Variants in ZFHX3 observed in about 807,000 individuals in gnomAD.
ZFHX3 encodes zinc finger homeobox protein 3.
In ZFHX3, 42 loss-of-function variants were observed where a neutral mutation model predicts 279.1. The observed-to-expected ratio is 0.15, with a 90% CI of 0.12 to 0.19. The LOEUF is 0.19. Ranked by LOEUF, ZFHX3 falls within the 10% of genes least tolerant of loss-of-function variation. The pLI, the probability that ZFHX3 is intolerant of heterozygous loss-of-function variation, is 1.00. For synonymous variants in ZFHX3, 2,293 were observed against 1,957.8 expected (o/e 1.17, Z -4.52); for missense variants, 4,981 against 4,754.0 (o/e 1.05, Z -1.40).
intron 8 of ZFHX3, among the ~76,000 whole-genome samples, chr16:73,074,168 T>C (rs186321412): frequency 7.9e-5 from 12 of 152,306 alleles, no homozygotes; most frequent in Admixed American, 7.8e-4. Flanking sequence ...ATCTTTCAAC[T>C]TTGGAGGTAT....
chr16:73,408,054 A>G (rs1358923634), intron 3 of ZFHX3, among the ~76,000 whole-genome samples: 1 of 123,162 alleles, frequency 8.1e-6, no homozygotes, highest in Non-Finnish European at 1.7e-5. Context: ...GAGCTGCAGG[A>G]GTGGATGGGG....
At chr16:73,153,024 T>C (rs1384393866) in intron 5 of ZFHX3, among the ~76,000 whole-genome samples, 2 of 152,088 alleles carry the variant, frequency 1.3e-5, no homozygotes, top group Non-Finnish European at 2.9e-5. Context: ...TCAGGCTTTG[T>C]TAGGAGGAGG....
chr16:73,219,349 C>T (rs939408595), intron 5 of ZFHX3, among the ~76,000 whole-genome samples: 11 of 152,164 alleles, frequency 7.2e-5, no homozygotes, highest in Non-Finnish European at 1.2e-4. Context: ...TAAGTACTAG[C>T]ATGACAGGCA....
chr16:73,338,230 C>G (rs2015955392), intron 3 of ZFHX3, among the ~76,000 whole-genome samples: 1 of 152,146 alleles, frequency 6.6e-6, no homozygotes, highest in Non-Finnish European at 1.5e-5. Flanking sequence ...ATCCCCACCA[C>G]ACCATGCTAG....
intron 3 of ZFHX3, among the ~76,000 whole-genome samples, chr16:73,390,761 G>A (rs2016995313): frequency 6.6e-6 from 1 of 151,948 alleles, no homozygotes; most frequent in Admixed American, 6.6e-5. Flanking sequence ...AATGAAAGGA[G>A]ATCTTTCTTA....
chr16:73,769,371 T>C (rs766751549), intron 1 of ZFHX3, among the ~76,000 whole-genome samples: 5 of 152,176 alleles, frequency 3.3e-5, no homozygotes, highest in African/African-American at 1.2e-4. Flanking sequence ...TTCAGATTGA[T>C]TGAAAATATG....
chr16:73,821,811 G>A (rs931017999), intron 1 of ZFHX3, among the ~76,000 whole-genome samples: 1 of 152,212 alleles, frequency 6.6e-6, no homozygotes, highest in African/African-American at 2.4e-5. Flanking sequence ...GGCTCAGTGG[G>A]AAGTCAAAGA....
In ZFHX3 at chr16:72,829,876, A is replaced by C; in HGVS notation, c.3449-17T>G. On this transcript the variant is annotated splice_polypyrimidine_tract_variant and intron_variant, in intron 4 of 9. Coordinates refer to ENST00000268489, the MANE Select transcript of ZFHX3 (RefSeq NM_006885.4). ...TGGCTTCTTCTGAAACAGAAGAAAA[A>C]CATGTCAAGGGTTAAAAATAAAAAG... 1 of 1,613,986 alleles carries C rather than the reference A, an allele frequency of 6.2e-7. No homozygotes were observed. The highest frequency in any genetic ancestry group is 8.5e-7 in the Non-Finnish European group (1 of 1,179,878).
At chr16:72,814,286 A>G (rs980889629) in intron 5 of ZFHX3, among the ~76,000 whole-genome samples, 4 of 152,186 alleles carry the variant, frequency 2.6e-5, no homozygotes, top group African/African-American at 9.7e-5. Context: ...CTGACTAAAA[A>G]CAACACCTGT....
chr16:73,093,709 C>A, intron 7 of ZFHX3: 1 of 227,116 alleles, frequency 4.4e-6, no homozygotes. Context: ...CCATAATGCC[C>A]TCCTGGCGGC....
At chr16:73,105,433 AC>A (rs2144792502) in intron 7 of ZFHX3, among the ~76,000 whole-genome samples, 1 of 31,160 alleles carries the variant, frequency 3.2e-5, no homozygotes, top group Non-Finnish European at 6.6e-5. Flanking sequence ...ATATATATAT[AC>A]ACACACACAC....
intron 2 of ZFHX3, among the ~76,000 whole-genome samples, chr16:73,544,962 T>A (rs1282776983): frequency 6.6e-6 from 1 of 152,114 alleles, no homozygotes; most frequent in African/African-American, 2.4e-5. Flanking sequence ...AGAGTCAGTA[T>A]CCATTCCAAA....
chr16:73,822,139 T>C (rs965068377), intron 1 of ZFHX3, among the ~76,000 whole-genome samples: 11 of 152,218 alleles, frequency 7.2e-5, no homozygotes, highest in Non-Finnish European at 1.6e-4. Flanking sequence ...ATCGTCAAGC[T>C]GGATCCAATG....
At chr16:73,055,678 A>ACGCG (rs141836776) in intron 1 of ZFHX3, among the ~76,000 whole-genome samples, 155 of 117,360 alleles carry the variant, frequency 1.3e-3, no homozygotes, top group African/African-American at 4.3e-3. Flanking sequence ...GTGCAGACGT[A>ACGCG]CGCGCGCGCG....
chr16:73,420,079 T>C (rs1027990428), intron 3 of ZFHX3: 1 of 152,026 alleles, frequency 6.6e-6, no homozygotes, highest in African/African-American at 2.4e-5. Context: ...GCTAATTTTT[T>C]GTACTTTTTC....
chr16:73,320,331 C>T (rs981820149), intron 3 of ZFHX3, among the ~76,000 whole-genome samples: 1 of 152,198 alleles, frequency 6.6e-6, no homozygotes, highest in African/African-American at 2.4e-5. Flanking sequence ...CAAAACTCAA[C>T]CCATGAGCTG....
intron 2 of ZFHX3, among the ~76,000 whole-genome samples, chr16:73,512,239 C>T (rs2019441672): frequency 6.9e-6 from 1 of 145,526 alleles, no homozygotes; most frequent in African/African-American, 2.6e-5. Context: ...ACCATCCTGG[C>T]CCACATGGTG....
chr16:73,876,064 T>C (rs1018442316), intron 1 of ZFHX3, among the ~76,000 whole-genome samples: 4 of 152,144 alleles, frequency 2.6e-5, no homozygotes, highest in African/African-American at 9.7e-5. Context: ...AACCGTCCAG[T>C]GTCTGAATTT....
intron 3 of ZFHX3, among the ~76,000 whole-genome samples, chr16:72,901,788 G>A (rs766392659): frequency 5.3e-5 from 8 of 152,180 alleles, no homozygotes; most frequent in Non-Finnish European, 8.8e-5. Flanking sequence ...CAGAACGGAC[G>A]GCCACGTGGC....
Sources: gnomAD v4.1 joint callset for allele counts (sites outside exome capture counted in the v4.1 genomes callset) on GRCh38, gnomAD v4.1.1 for gene constraint, MANE v1.5 for transcripts, NCBI Gene and HGNC (gene_info 2026-07-23, HGNC 2026-07-21) for gene names.